The following TIMP2 variants were observed in gnomAD, a reference collection of about 807,000 sequenced individuals.
TIMP2 encodes TIMP metallopeptidase inhibitor 2.
In TIMP2, 5 loss-of-function variants were observed where a neutral mutation model predicts 24.3. The observed-to-expected ratio is 0.21, with a 90% confidence interval of 0.11 to 0.43. TIMP2 has a LOEUF of 0.43. Among genes scored for constraint, TIMP2 ranks in the 20% least tolerant of loss-of-function variants. The pLI, the probability that TIMP2 is intolerant of heterozygous loss-of-function variation, is 1.00. For synonymous variants in TIMP2, 130 were observed against 123.2 expected, an observed-to-expected ratio of 1.06 and a Z score of -0.37; for missense variants, 221 against 297.5, an observed-to-expected ratio of 0.74 and a Z score of 1.89.
At chr17:78,892,731 T>C (rs1221998318) in intron 1 of TIMP2, among the ~76,000 whole-genome samples, 1 of 152,158 alleles carries the variant, frequency 6.6e-6, no homozygotes, top group East Asian at 1.9e-4. Context: ...ACATTTTCTA[T>C]TGTCACAAAT....
intron 1 of TIMP2, among the ~76,000 whole-genome samples, chr17:78,884,081 C>T (rs1387239009): frequency 6.6e-6 from 1 of 152,228 alleles, no homozygotes; most frequent in African/African-American, 2.4e-5. Context: ...CAAGCTCAGC[C>T]CTGCAAACCC....
In TIMP2 at chr17:78,896,193, C is replaced by A. The variant is rs1417704972; in HGVS notation, c.131-22274G>T. 6.6e-6 allele frequency among the ~76,000 whole-genome samples: 1 copy of A among 152,214 alleles called. No homozygotes were observed. Among genetic ancestry groups the A allele is most frequent in the African/African-American group, 2.4e-5 (1 of 41,468 alleles). On this transcript the variant is annotated intron_variant, in intron 1 of 4. Transcript: ENST00000262768. This position sits in a 1 kb window ranked among gnomAD's most constrained non-coding sequence, Gnocchi z 4.4. ...TTGCTCTCCCCTCTGAGACCCTCCC[C>A]ACTTACTAACTTGAGGCAGAGGGCA...
In TIMP2 at chr17:78,896,979, G is replaced by A. The variant is rs2070011399; in HGVS notation, c.131-23060C>T. 1.2e-5 allele frequency: 12 copies of A among 985,408 alleles called. No homozygotes were observed. Among genetic ancestry groups the A allele is most frequent in the African/African-American group, 1.7e-5 (1 of 57,342 alleles). 61.0% of individuals were successfully genotyped at this position (985,408 alleles called of 1,614,324 possible). On this transcript the variant is annotated intron_variant, in intron 1 of 4. Coordinates refer to ENST00000262768, the MANE Select transcript of TIMP2 (RefSeq NM_003255.5). The surrounding 1 kb of genome is among the most constrained non-coding windows in gnomAD (Gnocchi z 4.4). ...CTCTGGCCTACAGCTTGAGAATGAC[G>A]TCCAAGCAGCTCGCCTTTCCCTGGG...
At chr17:78,904,604 C>T (rs2070140630) in intron 1 of TIMP2, 1 of 152,222 alleles carries the variant, frequency 6.6e-6, no homozygotes, top group Admixed American at 6.5e-5. Context: ...CCCCCGCCCA[C>T]TTTTGGAGTC....
At chr17:78,901,601 T>G (rs1189360230) in intron 1 of TIMP2, among the ~76,000 whole-genome samples, 1 of 152,048 alleles carries the variant, frequency 6.6e-6, no homozygotes, top group Non-Finnish European at 1.5e-5. Context: ...TAGAAAAGTC[T>G]AGAATGGCAG....
intron 3 of TIMP2, among the ~76,000 whole-genome samples, chr17:78,868,176 ATGT>A (rs1184615515): frequency 6.6e-6 from 1 of 152,166 alleles, no homozygotes; most frequent in African/African-American, 2.4e-5. Context: ...TTTGGAGTAT[ATGT>A]TTATGATTAC....
At chr17:78,857,142 C>G (rs1371549841) in intron 4 of TIMP2, 2 of 223,264 alleles carry the variant, frequency 9.0e-6, no homozygotes, top group East Asian at 2.3e-4. Flanking sequence ...GCGTGCACCA[C>G]CTCACCTGGC....
intron 2 of TIMP2, among the ~76,000 whole-genome samples, chr17:78,872,590 A>ACAGGTACAACAAC (rs1415253183): frequency 3.3e-5 from 5 of 152,200 alleles, no homozygotes; most frequent in Non-Finnish European, 5.9e-5. Context: ...TGTACCAGGA[A>ACAGGTACAACAAC]AGGTTATGTT....
At chr17:78,873,536 G>A (rs1199267160) in intron 2 of TIMP2, among the ~76,000 whole-genome samples, 3 of 152,048 alleles carry the variant, frequency 2.0e-5, no homozygotes, top group Non-Finnish European at 4.4e-5. Context: ...CAAGTGATCC[G>A]CCCACCTCGG....
Position 78,891,736 on chromosome 17 carries a change from G to A in TIMP2, c.131-17817C>T, listed in dbSNP as rs761379613. 1.1e-5 allele frequency: 17 copies of A among 1,551,172 alleles called. 1 individual carries two copies. Among genetic ancestry groups the A allele is most frequent in the South Asian group, 3.6e-5 (3 of 84,062 alleles). On this transcript the variant is annotated intron_variant, in intron 1 of 4. Transcript: ENST00000262768. This position sits in a 1 kb window ranked among gnomAD's most constrained non-coding sequence, Gnocchi z 4.5. The stretch of plus-strand genomic sequence containing the variant: ...GCCCGATTTCTCCCACAGCAGCCAC[G>A]AGTGGGTTTGACCTTTCTAGGTCCG...
In TIMP2 at chr17:78,924,927, CCCGCGCGGGGGCTGGGGTCG is replaced by C. The variant is rs2070337998; in HGVS notation, c.130+12_130+31del. 8.3e-7 allele frequency: 1 copy of C among 1,206,386 alleles called. No individual in the cohort carries two copies. Among genetic ancestry groups the C allele is most frequent in the Admixed American group, 4.4e-5 (1 of 22,542 alleles). The allele number at this position is 1,206,386 out of a possible 1,614,324, so 74.7% of individuals were successfully genotyped here. A position where few individuals can be genotyped will look rare whatever the true frequency, so the allele number is the denominator to read the frequency against. Reference sequence around the variant, plus strand: ...CTCGGGGTCGCGGGGGAGGTGGGGCCCCGCGCGGGGGCTGGGGTCGCCGCTCCTTACCTACATCTGCATTG... The same window carrying C: ...CTCGGGGTCGCGGGGGAGGTGGGGCCCCGCTCCTTACCTACATCTGCATTG... On this transcript the variant is annotated intron_variant, in intron 1 of 4. Transcript: ENST00000262768. This position sits in a 1 kb window ranked among gnomAD's most constrained non-coding sequence, Gnocchi z 5.3.
At chr17:78,878,547 C>A (rs942816207) in intron 1 of TIMP2, among the ~76,000 whole-genome samples, 17 of 152,206 alleles carry the variant, frequency 1.1e-4, no homozygotes, top group African/African-American at 3.6e-4. Flanking sequence ...CACAGACTCT[C>A]GATTTGATGC....
At position 78,915,816 on chromosome 17, in the gene TIMP2, C is replaced by T. The variant is rs558171256; in HGVS notation, c.130+9143G>A. 2.6e-5 allele frequency among the ~76,000 whole-genome samples: 4 copies of T among 152,284 alleles called. No homozygotes were observed. The South Asian group carries it at 8.3e-4, about 32-fold the overall frequency. ...ATTCCAGGCATGATTCCACCGTGCCCGGCCTAAAAACCATCTCTTCTTTTA... is the reference window on the plus strand; with the variant it reads ...ATTCCAGGCATGATTCCACCGTGCCTGGCCTAAAAACCATCTCTTCTTTTA... On this transcript the variant is annotated intron_variant, in intron 1 of 4. Coordinates refer to ENST00000262768, the MANE Select transcript of TIMP2 (RefSeq NM_003255.5).
chr17:78,862,912 G>A lies in TIMP2; in HGVS notation c.341-5266C>T, dbSNP rs75215211. Among the ~76,000 whole-genome samples, 181 of 152,314 alleles carry A rather than the reference G, an allele frequency of 1.2e-3. 1 individual carries two copies. The highest frequency in any genetic ancestry group is 4.2e-3 in the African/African-American group (174 of 41,568). ...TGATTTCCCTCCTTTTCACGGCTGC[G>A]TAGTATTCCGTAGTATATATACACC... On this transcript the variant is annotated intron_variant, in intron 3 of 4. Transcript: ENST00000262768.
intron 1 of TIMP2, among the ~76,000 whole-genome samples, chr17:78,883,042 G>C (rs1261015874): frequency 6.6e-6 from 1 of 152,206 alleles, no homozygotes; most frequent in East Asian, 1.9e-4. Flanking sequence ...GCCGTGACTT[G>C]GTAATTAAAA....
Position 78,855,660 on chromosome 17 carries a change from G to A in TIMP2, c.*7C>T. On this transcript the variant is annotated 3_prime_UTR_variant, in exon 5 of 5. Coordinates refer to ENST00000262768, the MANE Select transcript of TIMP2 (RefSeq NM_003255.5). The surrounding 1 kb of genome is among the most constrained non-coding windows in gnomAD (Gnocchi z 6.0). ...TGCAGTTGGCCACAGGGGCGTTGGA[G>A]GCCTGCTTATGGGTCCTCGATGTCG... 6.2e-7 allele frequency: 1 copy of A among 1,613,074 alleles called. No homozygotes were observed. The highest frequency in any genetic ancestry group is 8.5e-7 in the Non-Finnish European group (1 of 1,179,690).
intron 1 of TIMP2, among the ~76,000 whole-genome samples, chr17:78,894,462 CAA>C (rs1286873380): frequency 6.6e-6 from 1 of 151,982 alleles, no homozygotes; most frequent in African/African-American, 2.4e-5. Context: ...CCATGATGAT[CAA>C]GAGAGAAAGG....
chr17:78,857,731 G>A (rs1814160794), intron 3 of TIMP2, 85 bp from the exon 4 acceptor site: 2 of 1,569,704 alleles, frequency 1.3e-6, no homozygotes, highest in Admixed American at 3.5e-5. Flanking sequence ...CAGGGGCGCT[G>A]GGATTTCGTT....
Position 78,891,972 on chromosome 17 carries a change from T to G in TIMP2, c.131-18053A>C. ...TGGCCCAACTCTTCCCTGCAACTCC[T>G]CTCTTCACTAAGGGCTGCTCTATGC... On this transcript the variant is annotated intron_variant, in intron 1 of 4. Coordinates refer to ENST00000262768, the MANE Select transcript of TIMP2 (RefSeq NM_003255.5). The surrounding 1 kb of genome is among the most constrained non-coding windows in gnomAD (Gnocchi z 4.5). The G allele has an allele frequency of 6.4e-7, 1 of 1,550,602 alleles. No individual in the cohort carries two copies. The highest frequency in any genetic ancestry group is 8.7e-7 in the Non-Finnish European group (1 of 1,146,996).
Sources: allele counts gnomAD v4.1 joint callset (sites outside exome capture counted in the v4.1 genomes callset), GRCh38; gene constraint gnomAD v4.1.1; non-coding constraint Gnocchi (gnomAD v3.1); transcripts MANE v1.5; gene names NCBI Gene and HGNC (gene_info 2026-07-23, HGNC 2026-07-21).